ARFGEF1: variants seen among roughly 807,000 people sequenced by gnomAD.
ARFGEF1 encodes the protein brefeldin A-inhibited guanine nucleotide-exchange protein 1.
A neutral mutation model predicts 231.0 loss-of-function variants in ARFGEF1; 42 were observed. The observed-to-expected ratio is 0.18, with a 90% confidence interval of 0.14 to 0.24. The LOEUF is 0.24. Ranked by LOEUF, ARFGEF1 falls within the 10% of genes least tolerant of loss-of-function variation. The probability of loss-of-function intolerance (pLI) is 1.00; values close to 1 mark genes in which losing one functional copy is unlikely to be tolerated. For synonymous variants in ARFGEF1, 710 were observed against 732.3 expected, an observed-to-expected ratio of 0.97 and a Z score of 0.49; for missense variants, 1,345 against 2,192.0, an observed-to-expected ratio of 0.61 and a Z score of 7.72.
At chr8:67,202,077 T>C (rs1486910571) in intron 36 of ARFGEF1, among the ~76,000 whole-genome samples, 1 of 152,170 alleles carries the variant, frequency 6.6e-6, no homozygotes, top group Non-Finnish European at 1.5e-5. Flanking sequence ...CAGACTACTC[T>C]TTCCAGAAGT....
chr8:67,290,146 G>T (rs1250494891), intron 6 of ARFGEF1, among the ~76,000 whole-genome samples: 1 of 152,198 alleles, frequency 6.6e-6, no homozygotes, highest in Non-Finnish European at 1.5e-5. Context: ...GCTATTGGGA[G>T]AAAAACATCT....
intron 17 of ARFGEF1, among the ~76,000 whole-genome samples, chr8:67,256,477 C>T (rs1023755998): frequency 6.6e-6 from 1 of 151,988 alleles, no homozygotes; most frequent in African/African-American, 2.4e-5. Flanking sequence ...TTAAACATCT[C>T]AAAACAGACA....
chr8:67,311,424 AG>A (rs1167078996), intron 1 of ARFGEF1, among the ~76,000 whole-genome samples: 1 of 103,718 alleles, frequency 9.6e-6, no homozygotes, highest in Non-Finnish European at 1.9e-5. Context: ...GTGGGGGGTC[AG>A]CCCCCCGCCC....
chr8:67,207,794 G>A (rs941517356), intron 34 of ARFGEF1, among the ~76,000 whole-genome samples: 1 of 152,192 alleles, frequency 6.6e-6, no homozygotes, highest in Admixed American at 6.5e-5. Context: ...CAGGGTGGCC[G>A]CTTGTTCTTC....
intron 5 of ARFGEF1, among the ~76,000 whole-genome samples, chr8:67,189,185 T>G (rs1835505566): frequency 1.3e-5 from 2 of 152,184 alleles, no homozygotes; most frequent in Non-Finnish European, 2.9e-5. Context: ...AAAATTGTAG[T>G]CAATTTTGGA....
chr8:67,295,412 A>G (rs537188108), intron 5 of ARFGEF1, among the ~76,000 whole-genome samples: 20 of 152,332 alleles, frequency 1.3e-4, no homozygotes, highest in African/African-American at 4.1e-4. Context: ...ACATTAAGGT[A>G]TATCAACATC....
At chr8:67,256,079 AAAAT>A (rs1383212015) in intron 17 of ARFGEF1, among the ~76,000 whole-genome samples, 2 of 152,236 alleles carry the variant, frequency 1.3e-5, no homozygotes, top group African/African-American at 4.8e-5. Context: ...AACCCAGGTC[AAAAT>A]ACTCTAGTGT....
At chr8:67,266,592 C>T (rs753106532) in intron 13 of ARFGEF1, among the ~76,000 whole-genome samples, 1 of 151,906 alleles carries the variant, frequency 6.6e-6, no homozygotes, top group Non-Finnish European at 1.5e-5. Context: ...AACATACTGC[C>T]TTTTATATGT....
intron 10 of ARFGEF1, among the ~76,000 whole-genome samples, chr8:67,271,025 C>CAAAAAAAA (rs36063944): frequency 8.3e-5 from 3 of 36,098 alleles, no homozygotes; most frequent in Non-Finnish European, 1.0e-4. Context: ...ACTCCATCTC[C>CAAAAAAAA]AAAAAAAAAA....
chr8:67,203,409 C>T (rs189004292), intron 35 of ARFGEF1, among the ~76,000 whole-genome samples, 158 bp from the exon 36 acceptor site: 127 of 152,346 alleles, frequency 8.3e-4, no homozygotes, highest in Middle Eastern at 6.8e-3. Context: ...CCTTCCAGTA[C>T]GCATCCTCGT....
At chr8:67,219,388 T>C (rs751781605) in intron 30 of ARFGEF1, 43 bp downstream of exon 30, 1 of 1,583,574 alleles carries the variant, frequency 6.3e-7, no homozygotes. Context: ...ACTGAGAATC[T>C]TTTAACTTGA....
chr8:67,190,614 T>G, intron 5 of ARFGEF1: 1 of 1,473,382 alleles, frequency 6.8e-7, no homozygotes, highest in Non-Finnish European at 9.5e-7. Flanking sequence ...TTTGAAGCAG[T>G]ATTAAGACTC....
rs147312263 is a variant in ARFGEF1 at position 67,232,058 on chromosome 8, A to T, written c.3380+797T>A. ...TACTTCCAGGGTCAGTGGCCACTGAACATTCTAGTTCTACCTGTACTTAGA... is the reference window on the plus strand; with the variant it reads ...TACTTCCAGGGTCAGTGGCCACTGATCATTCTAGTTCTACCTGTACTTAGA... On this transcript the variant is annotated intron_variant, in intron 23 of 38. Transcript: ENST00000262215. Among the ~76,000 whole-genome samples, 90 of 152,142 alleles carry T rather than the reference A, an allele frequency of 5.9e-4. 1 individual carries two copies. In the East Asian group the frequency reaches 0.012, roughly 20 times the overall value.
chr8:67,191,951 T>C (rs963772061), intron 5 of ARFGEF1, among the ~76,000 whole-genome samples: 9 of 152,176 alleles, frequency 5.9e-5, no homozygotes, highest in Non-Finnish European at 1.2e-4. Context: ...TGTAAAGTGG[T>C]GTCATGGTGG....
At chr8:67,266,837 TA>T in intron 13 of ARFGEF1, 38 bp downstream of exon 13, 1 of 1,539,880 alleles carries the variant, frequency 6.5e-7, no homozygotes, top group Admixed American at 1.8e-5. Flanking sequence ...ATTATTCACT[TA>T]AAATGACAAA....
intron 33 of ARFGEF1, among the ~76,000 whole-genome samples, chr8:67,215,483 G>A (rs931372086): frequency 5.9e-5 from 9 of 152,124 alleles, no homozygotes; most frequent in Non-Finnish European, 7.4e-5. Context: ...TGTAATTAAC[G>A]ATCTTGAGAT....
chr8:67,267,635 G>T (rs1020923416), intron 10 of ARFGEF1, among the ~76,000 whole-genome samples, 193 bp from the exon 11 acceptor site: 1 of 152,130 alleles, frequency 6.6e-6, no homozygotes, highest in African/African-American at 2.4e-5. Context: ...TGCCCTTCTA[G>T]TTATCAGTAC....
intron 5 of ARFGEF1, among the ~76,000 whole-genome samples, chr8:67,181,892 T>A (rs1833144220): frequency 6.6e-6 from 1 of 152,232 alleles, no homozygotes; most frequent in Non-Finnish European, 1.5e-5. Context: ...ATTTGACTAC[T>A]CTAGGACCTC....
intron 1 of ARFGEF1, among the ~76,000 whole-genome samples, chr8:67,329,493 CACTCCAGCCTGGGCGACAGAG>C: frequency 6.6e-6 from 1 of 151,346 alleles, no homozygotes; most frequent in East Asian, 1.9e-4. Flanking sequence ...TGTGCCACTG[CACTCCAGCCTGGGCGACAGAG>C]TAAGACTCCA....
Sources: allele counts gnomAD v4.1 joint callset (sites outside exome capture counted in the v4.1 genomes callset), GRCh38; gene constraint gnomAD v4.1.1; transcripts MANE v1.5; gene names NCBI Gene and HGNC (gene_info 2026-07-23, HGNC 2026-07-21).